The following RAB9B variants were observed in gnomAD, a reference collection of about 807,000 sequenced individuals.
The protein encoded by RAB9B is ras-related protein Rab-9B.
In RAB9B, 1 loss-of-function variant was observed where a neutral mutation model predicts 8.9. The observed-to-expected ratio is 0.11, with a 90% CI of 0.04 to 0.53. The LOEUF is 0.53. Ranked by LOEUF, RAB9B falls within the 20% of genes least tolerant of loss-of-function variation. RAB9B has a pLI of 0.93. For synonymous variants in RAB9B, 63 were observed against 57.0 expected, an observed-to-expected ratio of 1.10 and a Z score of -0.47; for missense variants, 82 against 152.9, an observed-to-expected ratio of 0.54 and a Z score of 2.45.
the RAB9B span, among the ~76,000 whole-genome samples, chrX:103,782,649 A>G: frequency 9.8e-5 from 11 of 112,317 alleles, no homozygotes; most frequent in African/African-American, 3.6e-4. Context: ...ATCCCTGACC[A>G]TACCTGCACA....
chrX:103,789,315 T>G, the RAB9B span: 1 of 1,170,885 alleles, frequency 8.5e-7, no homozygotes, highest in Non-Finnish European at 1.2e-6. Flanking sequence ...CAGTTCTTCC[T>G]CTTTCATTTT....
the RAB9B span, among the ~76,000 whole-genome samples, chrX:103,808,914 G>C: frequency 5.4e-3 from 618 of 113,426 alleles, 5 homozygotes; most frequent in Non-Finnish European, 8.3e-3. Flanking sequence ...TCTGCCTAGA[G>C]ACTAGGACCC....
the RAB9B span, among the ~76,000 whole-genome samples, chrX:103,797,944 C>T: frequency 9.0e-6 from 1 of 111,163 alleles, no homozygotes; most frequent in African/African-American, 3.3e-5. Flanking sequence ...CATGTTGGAG[C>T]CCACATCCCC....
chrX:103,787,590 C>T, the RAB9B span: 1 of 455,633 alleles, frequency 2.2e-6, no homozygotes, highest in East Asian at 3.7e-5. Context: ...ACCCATTCCC[C>T]CCACCCTCCG....
chrX:103,821,649 A>G (rs2074661291), downstream of RAB9B, among the ~76,000 whole-genome samples: 2 of 112,160 alleles, frequency 1.8e-5, no homozygotes, highest in Admixed American at 9.5e-5. Context: ...TTTCACCTAT[A>G]TTTTCATGTT....
chrX:103,812,343 A>G, the RAB9B span, among the ~76,000 whole-genome samples: 1 of 111,420 alleles, frequency 9.0e-6, no homozygotes, highest in Non-Finnish European at 1.9e-5. Flanking sequence ...ATAGTTGTCA[A>G]TTAAACACCA....
rs1356452380 is a variant in RAB9B, at chrX:103,825,013, A to T, written c.*166T>A. ...AGAGCTTCATTTTTTTTAATTTTTA[A>T]TTTTTTTAAATCAATCTACACTTCA... On this transcript the variant is annotated 3_prime_UTR_variant, in exon 3 of 3. Transcript: ENST00000243298. 1.3e-5 allele frequency: 7 copies of T among 541,490 alleles called. No homozygotes were observed. The highest frequency in any genetic ancestry group is 3.9e-5 in the Admixed American group (1 of 25,395). 44.6% of individuals were successfully genotyped at this position (541,490 alleles called of 1,213,427 possible). A position where few individuals can be genotyped will look rare whatever the true frequency, so the allele number is the denominator to read the frequency against.
chrX:103,808,631 G>A, the RAB9B span, among the ~76,000 whole-genome samples: 1 of 112,724 alleles, frequency 8.9e-6, no homozygotes, highest in African/African-American at 3.2e-5. Context: ...GTGCTCCTGA[G>A]CTTTAGAAGC....
chrX:103,798,052 AC>A, the RAB9B span, among the ~76,000 whole-genome samples: 4 of 111,662 alleles, frequency 3.6e-5, no homozygotes, highest in African/African-American at 9.8e-5. Flanking sequence ...CCTGATCTAC[AC>A]CCACTGAATC....
rs1274579284 is a variant in RAB9B, at chrX:103,823,777, G to C, written c.*1402C>G. The C allele has an allele frequency of 8.9e-6, 1 of 112,013 alleles. No individual in the cohort carries two copies. Among genetic ancestry groups the C allele is most frequent in the Non-Finnish European group, 1.9e-5 (1 of 53,189 alleles). The allele number at this position is 112,013 out of a possible 1,213,427, so 9.2% of individuals were successfully genotyped here. A position where few individuals can be genotyped will look rare whatever the true frequency, so the allele number is the denominator to read the frequency against. On this transcript the variant is annotated 3_prime_UTR_variant, in exon 3 of 3. Coordinates refer to ENST00000243298, the MANE Select transcript of RAB9B (RefSeq NM_016370.4). ...ATCAGTCACATAAAGATTACTCAGA[G>C]CTCAAGAATTTTTCCTGCCACAGTG...
chrX:103,788,560 A>C, the RAB9B span: 1 of 906,487 alleles, frequency 1.1e-6, no homozygotes, highest in Non-Finnish European at 1.6e-6. Context: ...AATACCATAC[A>C]AATTACACCC....
At chrX:103,778,851 A>C in the RAB9B span, among the ~76,000 whole-genome samples, 1 of 112,425 alleles carries the variant, frequency 8.9e-6, no homozygotes, top group Non-Finnish European at 1.9e-5. Context: ...GCTGTTCAAC[A>C]ATTGCAGTAA....
At chrX:103,784,746 C>T in the RAB9B span, among the ~76,000 whole-genome samples, 3 of 112,400 alleles carry the variant, frequency 2.7e-5, no homozygotes, top group African/African-American at 9.7e-5. Context: ...TTACCACTTA[C>T]TTGGCTGCCT....
intron 1 of RAB9B, among the ~76,000 whole-genome samples, chrX:103,831,831 C>G (rs2074705179): frequency 9.0e-6 from 1 of 110,867 alleles, no homozygotes; most frequent in Non-Finnish European, 1.9e-5. Flanking sequence ...CTGCGCCTCT[C>G]TGCTCGGCTC....
chrX:103,793,406 G>A, the RAB9B span, among the ~76,000 whole-genome samples: 1 of 112,328 alleles, frequency 8.9e-6, no homozygotes. Context: ...TGACAAGTCA[G>A]TCATCAGTTA....
At chrX:103,812,668 T>A in the RAB9B span, among the ~76,000 whole-genome samples, 2 of 112,083 alleles carry the variant, frequency 1.8e-5, no homozygotes, top group Non-Finnish European at 3.8e-5. Flanking sequence ...TTACTTCCTT[T>A]TGGGAGGAGC....
At chrX:103,783,265 C>A in the RAB9B span, among the ~76,000 whole-genome samples, 1 of 112,153 alleles carries the variant, frequency 8.9e-6, no homozygotes, top group Non-Finnish European at 1.9e-5. Context: ...CACCCATGGG[C>A]CAGCTCTGAA....
chrX:103,781,169 C>A, the RAB9B span: 1 of 243,031 alleles, frequency 4.1e-6, no homozygotes, highest in Non-Finnish European at 8.1e-6. Flanking sequence ...CAGATTCACA[C>A]TGAATTTCCA....
chrX:103,787,933 A>T, the RAB9B span: 1 of 1,209,238 alleles, frequency 8.3e-7, no homozygotes, highest in Non-Finnish European at 1.1e-6. Context: ...CTCTGCCAGT[A>T]TAGGCAGTCT....
Sources: allele counts gnomAD v4.1 joint callset (sites outside exome capture counted in the v4.1 genomes callset), GRCh38; gene constraint gnomAD v4.1.1; transcripts MANE v1.5; gene names NCBI Gene and HGNC (gene_info 2026-07-23, HGNC 2026-07-21).